Variants in CD109 observed in about 807,000 individuals in gnomAD.
The protein encoded by CD109 is CD109 antigen.
Under a neutral mutation model 165.8 loss-of-function variants are expected in CD109, and 149 were observed. The observed-to-expected ratio is 0.90, with a 90% CI of 0.79 to 1.03. CD109 has a LOEUF of 1.03. Among genes scored for constraint, CD109 ranks in the 50% least tolerant of loss-of-function variants. The probability of loss-of-function intolerance (pLI) is 0.00; values close to 1 mark genes in which losing one functional copy is unlikely to be tolerated. For synonymous variants in CD109, 585 were observed against 592.1 expected, an observed-to-expected ratio of 0.99 and a Z score of 0.18; for missense variants, 1,712 against 1,677.8, an observed-to-expected ratio of 1.02 and a Z score of -0.36.
chr6:73,703,349 T>C (rs1015917447), intron 2 of CD109, among the ~76,000 whole-genome samples: 2 of 152,270 alleles, frequency 1.3e-5, no homozygotes, highest in Non-Finnish European at 2.9e-5. Flanking sequence ...AATTACAAAA[T>C]GAAATGCCAG....
intron 3 of CD109, among the ~76,000 whole-genome samples, chr6:73,724,767 C>T (rs2150171553): frequency 6.6e-6 from 1 of 152,136 alleles, no homozygotes; most frequent in Non-Finnish European, 1.5e-5. Flanking sequence ...CCATGCCTGG[C>T]TGATTTTTTA....
At chr6:73,741,930 C>T (rs1168173578) in intron 5 of CD109, among the ~76,000 whole-genome samples, 1 of 152,294 alleles carries the variant, frequency 6.6e-6, no homozygotes, top group Admixed American at 6.5e-5. Context: ...CTTGGGTTTC[C>T]AAAGTGCTAG....
At chr6:73,821,571 GC>G (rs1776108480) in intron 32 of CD109, among the ~76,000 whole-genome samples, 1 of 152,208 alleles carries the variant, frequency 6.6e-6, no homozygotes. Context: ...GTCTTTTGCA[GC>G]AACATGGATG....
At chr6:73,755,474 G>C (rs1773355744) in intron 5 of CD109, among the ~76,000 whole-genome samples, 1 of 152,122 alleles carries the variant, frequency 6.6e-6, no homozygotes, top group Admixed American at 6.5e-5. Context: ...AAATAACTTC[G>C]TGGTGTACAG....
chr6:73,696,287 C>A lies in CD109; in HGVS notation c.72C>A (p.Pro24=), dbSNP rs777648758. The change falls in exon 1 of 33, where the codon CCC becomes CCA. Residue 24 remains proline, a splice_region_variant and synonymous_variant. Transcript: ENST00000287097. ...GCACCGCCGCGCTGGCCGTGGCTCCCGGGTAGGAACGTGGGCGCGCGGGGG... is the reference window on the plus strand; with the variant it reads ...GCACCGCCGCGCTGGCCGTGGCTCCAGGGTAGGAACGTGGGCGCGCGGGGG... ...CVCTAALAVA[P]GPRFLVTAPG... The A allele has an allele frequency of 1.3e-6, 2 of 1,518,772 alleles. No homozygotes were observed. Among genetic ancestry groups the A allele is most frequent in the South Asian group, 2.4e-5 (2 of 82,604 alleles). 94.1% of individuals were successfully genotyped at this position (1,518,772 alleles called of 1,614,324 possible). A position where few individuals can be genotyped will look rare whatever the true frequency, so the allele number is the denominator to read the frequency against.
At chr6:73,775,464 C>T (rs1774208262) in intron 15 of CD109, among the ~76,000 whole-genome samples, 1 of 151,990 alleles carries the variant, frequency 6.6e-6, no homozygotes, top group Admixed American at 6.6e-5. Flanking sequence ...CTCTATATTC[C>T]CATTTTCTTC....
At position 73,824,322 on chromosome 6, in the gene CD109, G is replaced by A. The variant is rs1776208059; in HGVS notation, c.*689G>A. 6.6e-6 allele frequency: 1 copy of A among 152,066 alleles called. No individual in the cohort carries two copies. Among genetic ancestry groups the A allele is most frequent in the Admixed American group, 6.6e-5 (1 of 15,256 alleles). 9.4% of individuals were successfully genotyped at this position (152,066 alleles called of 1,614,324 possible). ...TTTTCACACCATCTCAGAGGTTGAG[G>A]AGCATACTGAAAATTGCCCTGGGGG... On this transcript the variant is annotated 3_prime_UTR_variant, in exon 33 of 33. Transcript: ENST00000287097.
rs567645940 is a variant in CD109 at position 73,762,781 on chromosome 6, T to C, written c.896T>C (p.Met299Thr). The change falls in exon 9 of 33, where the codon ATG (methionine) becomes ACG (threonine). Residue 299 changes from methionine (M) to threonine (T), a missense_variant. Met to Thr is a moderately conservative substitution (Grantham distance 81, BLOSUM62 -1). Transcript: ENST00000287097. ...AACTTCTCTTTTAATGATGAAGAGA[T>C]GAAAAATGTAATGGATTCTTCAAAT... The part of the protein sequence containing the change: ...SANFSFNDEE[M>T]KNVMDSSNGL... The C allele has an allele frequency of 5.6e-6, 9 of 1,609,122 alleles. No individual in the cohort carries two copies. The highest frequency in any genetic ancestry group is 6.0e-6 in the Non-Finnish European group (7 of 1,176,034).
At chr6:73,696,198 C>A, upstream of CD109, 1 of 1,544,650 alleles carries the variant, frequency 6.5e-7, no homozygotes. Context: ...GACTGTAGCC[C>A]AGGCAGACGC....
intron 17 of CD109, among the ~76,000 whole-genome samples, chr6:73,781,632 A>G (rs182633543): frequency 7.9e-5 from 12 of 152,226 alleles, no homozygotes; most frequent in African/African-American, 2.2e-4. Flanking sequence ...AAACTGTCCT[A>G]TTCTTTTGGA....
In CD109 at chr6:73,766,734, A is replaced by T. The variant is rs187398401; in HGVS notation, c.1333-25A>T. 2.6e-5 allele frequency: 40 copies of T among 1,515,982 alleles called. No homozygotes were observed. The Middle Eastern group carries it at 5.5e-4, about 21-fold the overall frequency. The allele number at this position is 1,515,982 out of a possible 1,614,324, so 93.9% of individuals were successfully genotyped here. ...AAGGTGTTACTAAAGATGAACATTT[A>T]CAGCTCCTTTTTCTTTTATTATAGG... On this transcript the variant is annotated intron_variant, in intron 11 of 32. Transcript: ENST00000287097.
chr6:73,811,942 A>T (rs946216868), intron 28 of CD109, among the ~76,000 whole-genome samples: 2 of 152,188 alleles, frequency 1.3e-5, no homozygotes, highest in African/African-American at 4.8e-5. Flanking sequence ...TTCAGCCCCA[A>T]CAGGAGGACA....
chr6:73,740,907 G>A lies in CD109; in HGVS notation c.633+4399G>A, dbSNP rs1772754728. 3.3e-5 allele frequency among the ~76,000 whole-genome samples: 5 copies of A among 152,064 alleles called. No individual in the cohort carries two copies. In the South Asian group the frequency reaches 1.0e-3, roughly 32 times the overall value. On this transcript the variant is annotated intron_variant, in intron 5 of 32. Coordinates refer to ENST00000287097, the MANE Select transcript of CD109 (RefSeq NM_133493.5). Reference sequence around the variant, plus strand: ...TGCCTGGCCAAGAAAGGAAACAAATGTTTTGGGGGATTAGTTAAGTGATTT... The same window carrying A: ...TGCCTGGCCAAGAAAGGAAACAAATATTTTGGGGGATTAGTTAAGTGATTT...
intron 24 of CD109, among the ~76,000 whole-genome samples, chr6:73,806,356 C>A (rs531716601): frequency 1.4e-3 from 207 of 143,492 alleles, no homozygotes; most frequent in African/African-American, 5.1e-3. Context: ...ACACCGGGAC[C>A]TGTTGTGGGG....
intron 2 of CD109, among the ~76,000 whole-genome samples, chr6:73,704,249 T>C (rs185506093): frequency 6.6e-6 from 1 of 152,004 alleles, no homozygotes; most frequent in Admixed American, 6.5e-5. Context: ...TTAGTCACAT[T>C]AGAATGAGAA....
intron 5 of CD109, among the ~76,000 whole-genome samples, chr6:73,754,990 A>G (rs909465451): frequency 6.6e-6 from 1 of 152,254 alleles, no homozygotes; most frequent in Non-Finnish European, 1.5e-5. Context: ...AATGTTTGCT[A>G]TATGAATGAA....
intron 2 of CD109, among the ~76,000 whole-genome samples, chr6:73,702,491 A>G (rs1237786917): frequency 6.6e-6 from 1 of 152,214 alleles, no homozygotes; most frequent in Non-Finnish European, 1.5e-5. Flanking sequence ...AACATAACTC[A>G]GTCTGAACCT....
At position 73,809,909 on chromosome 6, in the gene CD109, A is replaced by G. The variant is rs111946314; in HGVS notation, c.3356-75A>G. 9.7e-5 allele frequency: 111 copies of G among 1,143,446 alleles called. No individual in the cohort carries two copies. In the African/African-American group the frequency reaches 1.5e-3, roughly 16 times the overall value. The allele number at this position is 1,143,446 out of a possible 1,614,324, so 70.8% of individuals were successfully genotyped here. A position where few individuals can be genotyped will look rare whatever the true frequency, so the allele number is the denominator to read the frequency against. ...GCTAGTTAAGTACAACTTGGACCAG[A>G]GTAGGAATATTTAATGGTATAAAAT... On this transcript the variant is annotated intron_variant, in intron 26 of 32. Transcript: ENST00000287097.
rs950317121 is a variant in CD109, at chr6:73,766,643, T to C, written c.1333-116T>C. ...CAATGTCTGGTGAATGTATTTTTCTTGCATTAAAAAAAAGTGAAGATGAAT... is the reference window on the plus strand; with the variant it reads ...CAATGTCTGGTGAATGTATTTTTCTCGCATTAAAAAAAAGTGAAGATGAAT... On this transcript the variant is annotated intron_variant, in intron 11 of 32. Coordinates refer to ENST00000287097, the MANE Select transcript of CD109 (RefSeq NM_133493.5). 5.7e-6 allele frequency: 4 copies of C among 698,018 alleles called. No individual in the cohort carries two copies. In the African/African-American group the frequency reaches 7.1e-5, roughly 12 times the overall value. 43.2% of individuals were successfully genotyped at this position (698,018 alleles called of 1,614,324 possible). A position where few individuals can be genotyped will look rare whatever the true frequency, so the allele number is the denominator to read the frequency against.
Sources: gnomAD v4.1 joint callset for allele counts (sites outside exome capture counted in the v4.1 genomes callset) on GRCh38, gnomAD v4.1.1 for gene constraint, MANE v1.5 for transcripts, NCBI Gene and HGNC (gene_info 2026-07-23, HGNC 2026-07-21) for gene names.